Variants in DEPTOR observed in about 807,000 individuals in gnomAD.
DEPTOR encodes DEP domain-containing mTOR-interacting protein.
DEPTOR carries 41 observed loss-of-function variants against 41.6 expected under a neutral mutation model. The ratio of observed to expected loss-of-function variants is 0.98; its 90% CI spans 0.77 to 1.28. The LOEUF (loss-of-function observed/expected upper bound fraction) is 1.28. Ranked by LOEUF, DEPTOR falls within the 50% of genes most tolerant of loss-of-function variation. DEPTOR has a pLI of 0.00. For missense variants in DEPTOR, 514 were observed against 527.9 expected (o/e 0.97, Z 0.26); for synonymous variants, 195 against 192.3 (o/e 1.01, Z -0.12).
intron 3 of DEPTOR, among the ~76,000 whole-genome samples, chr8:119,951,964 C>G (rs2129928353): frequency 6.6e-6 from 1 of 152,168 alleles, no homozygotes; most frequent in East Asian, 1.9e-4. Context: ...TGGCAAAACC[C>G]TGTCTACTAA....
At chr8:120,032,717 T>G (rs541241971) in intron 8 of DEPTOR, among the ~76,000 whole-genome samples, 25 of 152,306 alleles carry the variant, frequency 1.6e-4, no homozygotes, top group African/African-American at 5.5e-4. Context: ...TGCGTCTACC[T>G]CTCACTACAT....
chr8:119,931,033 G>A (rs560976072), intron 3 of DEPTOR, among the ~76,000 whole-genome samples: 1 of 152,164 alleles, frequency 6.6e-6, no homozygotes, highest in Admixed American at 6.5e-5. Flanking sequence ...CCAACATGGT[G>A]AAAGCCCGTC....
rs745949118 is a variant in DEPTOR at position 119,928,566 on chromosome 8, A to G, written c.289A>G (p.Ile97Val). The G allele has an allele frequency of 3.7e-6, 6 of 1,614,114 alleles. No homozygotes were observed. The highest frequency in any genetic ancestry group is 4.2e-6 in the Non-Finnish European group (5 of 1,179,988). Reference sequence around the variant, plus strand: ...CATGCAGAAATTAGCAGACCGGGGCATTATTCACCATGGTGAGTGCGGTGG... The same window carrying G: ...CATGCAGAAATTAGCAGACCGGGGCGTTATTCACCATGGTGAGTGCGGTGG... ...KLMQKLADRG[I>V]IHHVCDEHKE... Residue 97 changes from isoleucine to valine, a missense_variant, in exon 2 of 9, where the codon ATT becomes GTT. Physicochemically the swap from Ile to Val is conservative, Grantham distance 29. Coordinates refer to ENST00000286234, the MANE Select transcript of DEPTOR (RefSeq NM_022783.4).
rs1828018423 is a variant in DEPTOR, at chr8:119,929,888, A to G, written c.375A>G (p.Pro125=). The change falls in exon 3 of 9, where the codon CCA becomes CCG. Residue 125 remains proline (P), a synonymous_variant. Coordinates refer to ENST00000286234, the MANE Select transcript of DEPTOR (RefSeq NM_022783.4). The part of the protein sequence containing the change: ...YRFRKDDGTF[P]LDNEVKAFMR... The stretch of plus-strand genomic sequence containing the variant: ...TTAGAAAGGATGACGGCACCTTCCC[A>G]TTGGATAATGAAGTGAAGGCCTTTA... 6.2e-7 allele frequency: 1 copy of G among 1,613,956 alleles called. No homozygotes were observed. The highest frequency in any genetic ancestry group is 8.5e-7 in the Non-Finnish European group (1 of 1,179,886).
At chr8:119,894,053 T>C (rs1424550986) in intron 1 of DEPTOR, among the ~76,000 whole-genome samples, 1 of 152,218 alleles carries the variant, frequency 6.6e-6, no homozygotes, top group Non-Finnish European at 1.5e-5. Context: ...GAAATTTTAT[T>C]ATGATATTTA....
At chr8:119,963,867 C>T (rs1431422937) in intron 3 of DEPTOR, among the ~76,000 whole-genome samples, 3 of 152,246 alleles carry the variant, frequency 2.0e-5, no homozygotes, top group East Asian at 3.9e-4. Flanking sequence ...CCTATGTAGT[C>T]GTCTTAGTTC....
At chr8:120,011,725 A>G (rs547472655) in intron 8 of DEPTOR, among the ~76,000 whole-genome samples, 1 of 152,312 alleles carries the variant, frequency 6.6e-6, no homozygotes, top group Non-Finnish European at 1.5e-5. Flanking sequence ...TACATACATA[A>G]CCGTTCTGGG....
intron 6 of DEPTOR, 114 bp downstream of exon 6, chr8:120,003,225 C>A: frequency 6.6e-7 from 1 of 1,514,232 alleles, no homozygotes; most frequent in Non-Finnish European, 8.9e-7. Context: ...TAAGTTAGAG[C>A]ATGCTCTTGG....
At chr8:119,964,317 C>A (rs1395506407) in intron 3 of DEPTOR, among the ~76,000 whole-genome samples, 1 of 152,108 alleles carries the variant, frequency 6.6e-6, no homozygotes, top group East Asian at 1.9e-4. Flanking sequence ...GAGTTCGAGA[C>A]CAGCCTGGAC....
intron 1 of DEPTOR, among the ~76,000 whole-genome samples, chr8:119,905,229 A>G (rs565025191): frequency 6.6e-6 from 1 of 152,314 alleles, no homozygotes; most frequent in Admixed American, 6.5e-5. Context: ...ATGAGATTCC[A>G]GACAGCTACA....
chr8:120,018,902 G>A (rs530539780), intron 8 of DEPTOR, among the ~76,000 whole-genome samples: 2 of 152,300 alleles, frequency 1.3e-5, no homozygotes, highest in African/African-American at 4.8e-5. Context: ...CGATAACAGT[G>A]CACAGTTCCT....
At chr8:119,955,503 A>G (rs899243264) in intron 3 of DEPTOR, among the ~76,000 whole-genome samples, 1 of 149,068 alleles carries the variant, frequency 6.7e-6, no homozygotes, top group African/African-American at 2.5e-5. Flanking sequence ...TTTCGCTGTT[A>G]TTGCCCAGGC....
At chr8:120,006,933 A>G in intron 7 of DEPTOR, 58 bp downstream of exon 7, 2 of 1,488,768 alleles carry the variant, frequency 1.3e-6, no homozygotes, top group South Asian at 1.1e-5. Flanking sequence ...CACCGTGTCC[A>G]TGTGTCAATG....
At chr8:120,026,342 A>G (rs938701447) in intron 8 of DEPTOR, among the ~76,000 whole-genome samples, 1 of 150,594 alleles carries the variant, frequency 6.6e-6, no homozygotes, top group Non-Finnish European at 1.5e-5. Context: ...GAACTCAAGT[A>G]TTCTAATTTT....
intron 3 of DEPTOR, among the ~76,000 whole-genome samples, chr8:119,954,604 T>C (rs546799533): frequency 2.6e-5 from 4 of 152,162 alleles, no homozygotes; most frequent in Non-Finnish European, 5.9e-5. Context: ...TATTCCCAGG[T>C]TACACAGGGC....
intron 1 of DEPTOR, among the ~76,000 whole-genome samples, chr8:119,911,498 A>G (rs752077156): frequency 3.3e-5 from 5 of 151,816 alleles, no homozygotes; most frequent in Non-Finnish European, 7.4e-5. Context: ...TTGTATTTTT[A>G]GTAGAGACAG....
chr8:119,961,342 G>A (rs1421278700), intron 3 of DEPTOR, among the ~76,000 whole-genome samples: 1 of 151,250 alleles, frequency 6.6e-6, no homozygotes, highest in African/African-American at 2.4e-5. Context: ...CTTGAACCTG[G>A]GAGGTAGAGG....
chr8:120,022,637 C>T (rs1812738335), intron 8 of DEPTOR, among the ~76,000 whole-genome samples: 1 of 152,124 alleles, frequency 6.6e-6, no homozygotes, highest in African/African-American at 2.4e-5. Context: ...CTTTGAAGGA[C>T]TCTTCAAAGC....
At chr8:119,961,736 T>C (rs1481012995) in intron 3 of DEPTOR, among the ~76,000 whole-genome samples, 2 of 152,164 alleles carry the variant, frequency 1.3e-5, no homozygotes, top group African/African-American at 4.8e-5. Context: ...AAAGAGGGTT[T>C]GGACTACAAT....
Sources: allele counts gnomAD v4.1 joint callset (sites outside exome capture counted in the v4.1 genomes callset), GRCh38; gene constraint gnomAD v4.1.1; transcripts MANE v1.5; gene names NCBI Gene and HGNC (gene_info 2026-07-23, HGNC 2026-07-21).